Variants in CCDC178 observed in about 807,000 individuals in gnomAD.
The protein encoded by CCDC178 is coiled-coil domain-containing protein 178.
In CCDC178, 126 loss-of-function variants were observed where a neutral mutation model predicts 117.4. That is an observed-to-expected ratio of 1.07 (90% CI 0.93 to 1.24). The LOEUF is 1.24. CCDC178 is among the 50% of genes most tolerant of loss of function. The pLI, the probability that CCDC178 is intolerant of heterozygous loss-of-function variation, is 0.00. For missense variants in CCDC178, 1,030 were observed against 986.9 expected (o/e 1.04, Z -0.59); for synonymous variants, 283 against 313.4 (o/e 0.90, Z 1.02).
intron 11 of CCDC178, among the ~76,000 whole-genome samples, chr18:33,301,480 T>C (rs1389762704): frequency 6.6e-6 from 1 of 152,154 alleles, no homozygotes; most frequent in Non-Finnish European, 1.5e-5. Flanking sequence ...GAATGGTAGC[T>C]CCACTGACAA....
chr18:33,404,667 T>C (rs187755318), intron 3 of CCDC178, among the ~76,000 whole-genome samples: 2 of 152,234 alleles, frequency 1.3e-5, no homozygotes, highest in East Asian at 3.9e-4. Context: ...CAAATATTCA[T>C]AGCAGCATTA....
chr18:33,102,625 A>AT (rs1358239779), intron 20 of CCDC178, among the ~76,000 whole-genome samples: 1 of 151,734 alleles, frequency 6.6e-6, no homozygotes, highest in Non-Finnish European at 1.5e-5. Context: ...GATTATGAGC[A>AT]TCTTTACTCA....
At chr18:33,233,891 C>T (rs1183834775) in intron 15 of CCDC178, among the ~76,000 whole-genome samples, 1 of 151,912 alleles carries the variant, frequency 6.6e-6, no homozygotes, top group Non-Finnish European at 1.5e-5. Flanking sequence ...TTCAATTGAA[C>T]CACATTTCCT....
chr18:33,164,625 G>A (rs929592258), intron 20 of CCDC178, among the ~76,000 whole-genome samples: 1 of 151,558 alleles, frequency 6.6e-6, no homozygotes, highest in Non-Finnish European at 1.5e-5. Flanking sequence ...TGGTAAGAAG[G>A]GCAGTGTTTA....
intron 21 of CCDC178, among the ~76,000 whole-genome samples, chr18:33,080,512 A>ATT (rs1252901462): frequency 6.6e-6 from 1 of 152,122 alleles, no homozygotes; most frequent in East Asian, 1.9e-4. Flanking sequence ...CCTACAAGCA[A>ATT]TGTGGGGCTG....
intron 3 of CCDC178, among the ~76,000 whole-genome samples, chr18:33,403,526 G>A (rs756354017): frequency 6.7e-6 from 1 of 150,146 alleles, no homozygotes; most frequent in Non-Finnish European, 1.5e-5. Context: ...TTCATACAGA[G>A]GAATAAAGCA....
Position 33,370,101 on chromosome 18 carries a change from C to A in CCDC178, c.297G>T (p.Met99Ile). Residue 99 changes from methionine (M) to isoleucine (I), a missense_variant, in exon 6 of 23, where the codon ATG becomes ATT. Coordinates refer to ENST00000383096, the MANE Select transcript of CCDC178 (RefSeq NM_001105528.4). ...VNIPAPCVNK[M>I]ISHIQDVESK... ...ACTCCACATCTTGGATGTGTGAAAT[C>A]ATTTTGTTGACACAAGGTGCTGGAA... The A allele has an allele frequency of 6.2e-7, 1 of 1,605,764 alleles. No individual in the cohort carries two copies. The highest frequency in any genetic ancestry group is 1.1e-5 in the South Asian group (1 of 89,682).
chr18:33,344,307 T>A, intron 9 of CCDC178, among the ~76,000 whole-genome samples: 1 of 68,080 alleles, frequency 1.5e-5, no homozygotes. Flanking sequence ...CGAGACTCCG[T>A]CTCAAAAAAA....
chr18:33,418,958 C>T (rs376677376), intron 2 of CCDC178, among the ~76,000 whole-genome samples: 2 of 152,144 alleles, frequency 1.3e-5, no homozygotes, highest in East Asian at 1.9e-4. Context: ...CTACCAATGA[C>T]ATTCTTCACA....
intron 11 of CCDC178, among the ~76,000 whole-genome samples, chr18:33,312,578 T>C (rs376703764): frequency 8.5e-5 from 13 of 152,228 alleles, no homozygotes; most frequent in African/African-American, 2.9e-4. Context: ...CTGAGCCAGG[T>C]AGTGGTCTAC....
chr18:33,097,272 T>C (rs112753556), intron 20 of CCDC178, among the ~76,000 whole-genome samples: 4 of 152,188 alleles, frequency 2.6e-5, no homozygotes, highest in African/African-American at 9.6e-5. Context: ...CCAGAGGCCA[T>C]GTGTAGGTGT....
chr18:33,132,490 T>A (rs548908782), intron 20 of CCDC178, among the ~76,000 whole-genome samples: 2 of 151,884 alleles, frequency 1.3e-5, no homozygotes, highest in East Asian at 3.9e-4. Context: ...GTTTCAAGTG[T>A]TTTATATAAT....
At chr18:33,348,246 CA>C (rs1482247419) in intron 8 of CCDC178, among the ~76,000 whole-genome samples, 2 of 151,680 alleles carry the variant, frequency 1.3e-5, no homozygotes, top group Non-Finnish European at 3.0e-5. Context: ...AGTTTTCACT[CA>C]AGGATTTAGC....
chr18:33,412,874 T>C (rs751277198), intron 2 of CCDC178, among the ~76,000 whole-genome samples: 2 of 152,140 alleles, frequency 1.3e-5, no homozygotes, highest in Non-Finnish European at 2.9e-5. Context: ...GTCTCTTAAT[T>C]ATCTTTTAGT....
chr18:32,962,454 T>A (rs2054723468), intron 22 of CCDC178, among the ~76,000 whole-genome samples: 1 of 152,228 alleles, frequency 6.6e-6, no homozygotes, highest in East Asian at 1.9e-4. Context: ...GGTCAGCAAT[T>A]CTCTCCACTT....
chr18:32,992,265 T>C (rs1568203690), intron 21 of CCDC178, among the ~76,000 whole-genome samples: 1 of 152,190 alleles, frequency 6.6e-6, no homozygotes. Context: ...GATTATCAAA[T>C]CTCTAAGATT....
At chr18:33,105,772 T>G (rs981126550) in intron 20 of CCDC178, among the ~76,000 whole-genome samples, 1 of 151,670 alleles carries the variant, frequency 6.6e-6, no homozygotes, top group Non-Finnish European at 1.5e-5. Flanking sequence ...CCAGTTTACT[T>G]GTAGGTTTTC....
chr18:32,938,040 T>C lies in CCDC178; in HGVS notation c.2575A>G (p.Thr859Ala). 1.2e-6 allele frequency: 2 copies of C among 1,613,840 alleles called. No homozygotes were observed. The highest frequency in any genetic ancestry group is 1.7e-6 in the Non-Finnish European group (2 of 1,179,762). ...CCATCGTTTTCGCATGTGCCATCTG[T>C]CAAAGTCTGGAAGAAACCTAAGATG... ...QHILGFFQTL[T>A]DGTCENDG The change falls in exon 23 of 23, where the codon ACA becomes GCA. Residue 859 changes from threonine (T) to alanine (A), a missense_variant. By Grantham distance (58) the Thr-to-Ala change is moderately conservative (BLOSUM62 0). Transcript: ENST00000383096.
intron 21 of CCDC178, among the ~76,000 whole-genome samples, chr18:33,074,798 G>A (rs1297950322): frequency 1.3e-5 from 2 of 152,190 alleles, no homozygotes; most frequent in African/African-American, 2.4e-5. Context: ...CTTCAAAGAA[G>A]AGAATGGAAA....
Sources: allele counts gnomAD v4.1 joint callset (sites outside exome capture counted in the v4.1 genomes callset), GRCh38; gene constraint gnomAD v4.1.1; transcripts MANE v1.5; gene names NCBI Gene and HGNC (gene_info 2026-07-23, HGNC 2026-07-21).